NRXN1: variants seen among roughly 807,000 people sequenced by gnomAD.
The protein encoded by NRXN1 is neurexin-1.
Under a neutral mutation model 150.9 loss-of-function variants are expected in NRXN1, and 39 were observed. The observed-to-expected ratio is 0.26, with a 90% CI of 0.20 to 0.34. NRXN1 has a LOEUF of 0.34. Ranked by LOEUF, NRXN1 falls within the 10% of genes least tolerant of loss-of-function variation. NRXN1 has a pLI of 1.00. For synonymous variants in NRXN1, 924 were observed against 757.0 expected, an observed-to-expected ratio of 1.22 and a Z score of -3.62; for missense variants, 1,815 against 1,949.9, an observed-to-expected ratio of 0.93 and a Z score of 1.30.
chr2:50,309,623 T>C (rs2074990632), intron 17 of NRXN1, among the ~76,000 whole-genome samples: 1 of 152,134 alleles, frequency 6.6e-6, no homozygotes, highest in Non-Finnish European at 1.5e-5. Flanking sequence ...TAGTTATGCA[T>C]AAAATCAGGC....
At chr2:50,114,865 G>T (rs986386102) in intron 18 of NRXN1, among the ~76,000 whole-genome samples, 9 of 151,988 alleles carry the variant, frequency 5.9e-5, no homozygotes, top group African/African-American at 2.2e-4. Context: ...AGTGGGGAGA[G>T]AGGGATGAAT....
chr2:50,482,912 G>T (rs981128123), intron 15 of NRXN1, among the ~76,000 whole-genome samples: 1 of 151,868 alleles, frequency 6.6e-6, no homozygotes, highest in South Asian at 2.1e-4. Context: ...TTAGCTGTGC[G>T]TGGTGGCATG....
At chr2:50,005,172 T>C (rs1176104072) in intron 21 of NRXN1, among the ~76,000 whole-genome samples, 2 of 152,146 alleles carry the variant, frequency 1.3e-5, no homozygotes, top group East Asian at 1.9e-4. Flanking sequence ...CAATAGATCA[T>C]GTTCTTATCA....
chr2:50,441,686 A>C (rs2085966898), intron 17 of NRXN1, among the ~76,000 whole-genome samples: 1 of 152,190 alleles, frequency 6.6e-6, no homozygotes, highest in Non-Finnish European at 1.5e-5. Flanking sequence ...AATTATTTTA[A>C]GTGTAGTCAT....
intron 19 of NRXN1, among the ~76,000 whole-genome samples, chr2:50,080,764 A>G (rs1357277487): frequency 6.6e-6 from 1 of 152,190 alleles, no homozygotes; most frequent in East Asian, 1.9e-4. Flanking sequence ...TGTGAAAAAA[A>G]AATTATCTGA....
At chr2:50,456,738 C>T in intron 17 of NRXN1, among the ~76,000 whole-genome samples, 1 of 152,022 alleles carries the variant, frequency 6.6e-6, no homozygotes, top group Admixed American at 6.6e-5. Context: ...TTGGTCTTCA[C>T]TATTAATCTT....
At chr2:51,002,212 A>G (rs1700161979) in intron 2 of NRXN1, among the ~76,000 whole-genome samples, 1 of 152,010 alleles carries the variant, frequency 6.6e-6, no homozygotes, top group South Asian at 2.1e-4. Context: ...ATTTTGTTAT[A>G]GGAACTTCAA....
At chr2:50,401,923 T>C (rs1188061627) in intron 17 of NRXN1, among the ~76,000 whole-genome samples, 1 of 152,088 alleles carries the variant, frequency 6.6e-6, no homozygotes, top group Non-Finnish European at 1.5e-5. Context: ...CAGATTATTT[T>C]ACTCTTAGGG....
intron 12 of NRXN1, among the ~76,000 whole-genome samples, chr2:50,515,887 G>A (rs531351353): frequency 6.6e-5 from 10 of 152,152 alleles, no homozygotes; most frequent in Non-Finnish European, 1.5e-4. Context: ...ACCTACAAAT[G>A]ATGAGAGGAT....
chr2:50,120,086 T>C (rs2076992), intron 18 of NRXN1, among the ~76,000 whole-genome samples: 8,751 of 152,186 alleles, frequency 0.058, 853 homozygotes, highest in African/African-American at 0.2. Context: ...AAAAAGCCAA[T>C]AATAAAAAGG....
At chr2:50,679,593 T>C (rs773275786) in intron 5 of NRXN1, among the ~76,000 whole-genome samples, 7 of 152,114 alleles carry the variant, frequency 4.6e-5, no homozygotes, top group Non-Finnish European at 1.0e-4. Context: ...ACATGGATCA[T>C]TGATGACAGT....
At chr2:50,821,929 AT>A (rs1669796251) in intron 5 of NRXN1, among the ~76,000 whole-genome samples, 1 of 152,050 alleles carries the variant, frequency 6.6e-6, no homozygotes, top group Non-Finnish European at 1.5e-5. Context: ...TTATTTATTT[AT>A]TTTTAATTTT....
At chr2:50,077,035 G>A (rs1697220538) in intron 19 of NRXN1, among the ~76,000 whole-genome samples, 1 of 152,168 alleles carries the variant, frequency 6.6e-6, no homozygotes, top group South Asian at 2.1e-4. Flanking sequence ...AACCTATGGT[G>A]TTGGCAAGTA....
intron 17 of NRXN1, among the ~76,000 whole-genome samples, chr2:50,401,270 T>C (rs139150562): frequency 1.1e-3 from 174 of 152,286 alleles, no homozygotes; most frequent in African/African-American, 4.1e-3. Flanking sequence ...TGGGAAGGCC[T>C]GCTAGTAAAA....
At chr2:49,929,371 A>G (rs1669722447) in intron 22 of NRXN1, among the ~76,000 whole-genome samples, 2 of 152,164 alleles carry the variant, frequency 1.3e-5, no homozygotes, top group South Asian at 2.1e-4. Context: ...TTATTCTTCA[A>G]TTATTCACTA....
chr2:49,992,280 C>T (rs1682102665), intron 21 of NRXN1, among the ~76,000 whole-genome samples: 1 of 151,920 alleles, frequency 6.6e-6, no homozygotes, highest in Non-Finnish European at 1.5e-5. Context: ...TGGCTCATGC[C>T]TGTAATCCCA....
chr2:50,520,135 T>C (rs937315881), intron 12 of NRXN1, among the ~76,000 whole-genome samples: 2 of 151,942 alleles, frequency 1.3e-5, no homozygotes, highest in African/African-American at 2.4e-5. Flanking sequence ...AAGACATTAA[T>C]AAAACTTTTC....
intron 2 of NRXN1, among the ~76,000 whole-genome samples, chr2:50,945,899 T>TATATATATAC (rs371095334): frequency 1.7e-3 from 174 of 102,994 alleles, no homozygotes; most frequent in African/African-American, 6.2e-3. Flanking sequence ...TATATATATA[T>TATATATATAC]ACACACACAC....
chr2:50,740,763 A>G (rs142082059), intron 5 of NRXN1, among the ~76,000 whole-genome samples: 68 of 152,286 alleles, frequency 4.5e-4, no homozygotes, highest in African/African-American at 1.5e-3. Flanking sequence ...TAGGAGAGTT[A>G]AAAGGACAAG....
Sources: allele counts gnomAD v4.1 joint callset (sites outside exome capture counted in the v4.1 genomes callset), GRCh38; gene constraint gnomAD v4.1.1; transcripts MANE v1.5; gene names NCBI Gene and HGNC (gene_info 2026-07-23, HGNC 2026-07-21).